The following LRRC58 variants were observed in gnomAD, a reference collection of about 807,000 sequenced individuals.
The protein encoded by LRRC58 is leucine rich repeat containing 58.
Under a neutral mutation model 30.6 loss-of-function variants are expected in LRRC58, and 18 were observed. The observed-to-expected ratio is 0.59, with a 90% CI of 0.41 to 0.87. LRRC58 has a LOEUF of 0.87. Ranked by LOEUF, LRRC58 falls within the 40% of genes least tolerant of loss-of-function variation. The pLI is 0.00. For missense variants in LRRC58, 420 were observed against 468.4 expected (o/e 0.90, Z 0.95); for synonymous variants, 221 against 206.0 (o/e 1.07, Z -0.62).
In LRRC58 at chr3:120,334,908, A is replaced by C. The variant is rs754246322; in HGVS notation, c.861T>G (p.Leu287=). ...AATTGCTGGCTGAACCCAAGTATCT[A>C]AGAAGATTTCCAGGAAGATCATAGG... ...YTPYDLPGNL[L]RYLGSASNCP... is the part of the protein sequence containing the mutation. Residue 287 remains leucine, a synonymous_variant, in exon 3 of 4, where the codon CTT becomes CTG. Coordinates refer to ENST00000295628, the MANE Select transcript of LRRC58 (RefSeq NM_001099678.2). The C allele has an allele frequency of 4.3e-6, 7 of 1,613,664 alleles. No individual in the cohort carries two copies. Among genetic ancestry groups the C allele is most frequent in the African/African-American group, 2.7e-5 (2 of 74,940 alleles).
rs2107619909 is a variant in LRRC58 at position 120,327,968 on chromosome 3, AATTCCTGAC to A, written c.*3223_*3231del. On this transcript the variant is annotated 3_prime_UTR_variant, in exon 4 of 4. Transcript: ENST00000295628. ...CACCATGTTGGCCAGGCTGGTCTCA[AATTCCTGAC>A]TGCATATGATCCATCCACTTCGGCC... The A allele has an allele frequency of 6.6e-6, 1 of 152,218 alleles. No homozygotes were observed. Among genetic ancestry groups the A allele is most frequent in the East Asian group, 1.9e-4 (1 of 5,156 alleles). 9.4% of individuals were successfully genotyped at this position (152,218 alleles called of 1,614,324 possible).
chr3:120,335,748 A>G (rs769285145), intron 2 of LRRC58, 77 bp downstream of exon 2: 3 of 1,187,214 alleles, frequency 2.5e-6, no homozygotes, highest in Non-Finnish European at 3.5e-6. Context: ...CTACATATAA[A>G]AACATGTGAG....
rs1028475709 is a variant in LRRC58, at chr3:120,325,907, T to C, written c.*5293A>G. On this transcript the variant is annotated 3_prime_UTR_variant, in exon 4 of 4. Transcript: ENST00000295628. The stretch of plus-strand genomic sequence containing the variant: ...TGACATCCTGGGACAGAATGCATGG[T>C]AGAGGTTCCCTCCCCAGAAGTCCTA... 4.6e-5 allele frequency: 7 copies of C among 152,206 alleles called. No homozygotes were observed. Among genetic ancestry groups the C allele is most frequent in the African/African-American group, 1.4e-4 (6 of 41,450 alleles). 9.4% of individuals were successfully genotyped at this position (152,206 alleles called of 1,614,324 possible). A position where few individuals can be genotyped will look rare whatever the true frequency, so the allele number is the denominator to read the frequency against.
At chr3:120,334,007 T>C (rs1416249997) in intron 3 of LRRC58, among the ~76,000 whole-genome samples, 1 of 152,196 alleles carries the variant, frequency 6.6e-6, no homozygotes, top group Non-Finnish European at 1.5e-5. Flanking sequence ...TTGAATTCCT[T>C]GGGATACTTA....
At chr3:120,336,869 A>G (rs6768951) in intron 1 of LRRC58, among the ~76,000 whole-genome samples, 44,411 of 147,534 alleles carry the variant, frequency 0.3, 8,334 homozygotes, top group Non-Finnish European at 0.42. Context: ...ATATATTTAT[A>G]TATATTATAC....
intron 2 of LRRC58, 39 bp downstream of exon 2, chr3:120,335,786 T>C: frequency 6.5e-7 from 1 of 1,539,006 alleles, no homozygotes; most frequent in Non-Finnish European, 8.9e-7. Context: ...TTACTAAGCA[T>C]AGATGTCTGC....
chr3:120,337,248 T>A (rs1436731356), intron 1 of LRRC58, among the ~76,000 whole-genome samples: 3 of 152,242 alleles, frequency 2.0e-5, no homozygotes, highest in Non-Finnish European at 4.4e-5. Flanking sequence ...AGAGCACTCC[T>A]TAACCTACAA....
chr3:120,348,963 C>A lies in LRRC58; in HGVS notation c.281G>T (p.Arg94Leu). 4 of 1,539,710 alleles carry A rather than the reference C, an allele frequency of 2.6e-6. No homozygotes were observed. Among genetic ancestry groups the A allele is most frequent in the Non-Finnish European group, 3.5e-6 (4 of 1,146,074 alleles). Residue 94 changes from arginine (R) to leucine (L), a missense_variant, in exon 1 of 4, where the codon CGC becomes CTC. Arg to Leu is a moderately radical substitution (Grantham distance 102). Coordinates refer to ENST00000295628, the MANE Select transcript of LRRC58 (RefSeq NM_001099678.2). Reference sequence around the variant, plus strand: ...CCGGTTGTTCTTGGCCAGCAGCGTGCGCAGGCCGCGCAGAGCGAGCAGCTC... The same window carrying A: ...CCGGTTGTTCTTGGCCAGCAGCGTGAGCAGGCCGCGCAGAGCGAGCAGCTC... ...GPELLALRGL[R>L]TLLAKNNRLG... is the part of the protein sequence containing the mutation.
At chr3:120,344,779 T>C (rs1935946751) in intron 1 of LRRC58, among the ~76,000 whole-genome samples, 1 of 152,196 alleles carries the variant, frequency 6.6e-6, no homozygotes, top group African/African-American at 2.4e-5. Flanking sequence ...TATTGGCCAT[T>C]GAGTGATAAG....
intron 1 of LRRC58, among the ~76,000 whole-genome samples, chr3:120,342,102 T>C (rs1388735129): frequency 6.6e-6 from 1 of 151,658 alleles, no homozygotes; most frequent in Admixed American, 6.6e-5. Flanking sequence ...CCCGCTCCCA[T>C]CTTGGAGCAG....
At position 120,329,963 on chromosome 3, in the gene LRRC58, T is replaced by C. The variant is rs1431094989; in HGVS notation, c.*1237A>G. On this transcript the variant is annotated 3_prime_UTR_variant, in exon 4 of 4. Transcript: ENST00000295628. ...CCTGCTATACATTAAGGATACAATA[T>C]ATTTAATAATTTTTTTCTATTTTAT... 6.6e-6 allele frequency: 1 copy of C among 151,944 alleles called. No homozygotes were observed. Among genetic ancestry groups the C allele is most frequent in the Non-Finnish European group, 1.5e-5 (1 of 67,894 alleles). The allele number at this position is 151,944 out of a possible 1,614,324, so 9.4% of individuals were successfully genotyped here. A position where few individuals can be genotyped will look rare whatever the true frequency, so the allele number is the denominator to read the frequency against.
At chr3:120,340,926 A>T (rs1057208540) in intron 1 of LRRC58, among the ~76,000 whole-genome samples, 1 of 152,184 alleles carries the variant, frequency 6.6e-6, no homozygotes, top group Non-Finnish European at 1.5e-5. Flanking sequence ...TATATTAATG[A>T]CACTTTTAAA....
At position 120,340,021 on chromosome 3, in the gene LRRC58, T is replaced by A. The variant is rs937349865; in HGVS notation, c.501-4068A>T. On this transcript the variant is annotated intron_variant, in intron 1 of 3. Coordinates refer to ENST00000295628, the MANE Select transcript of LRRC58 (RefSeq NM_001099678.2). ...GATTACAGGCGCCCGCCACCACGCC[T>A]GGCTAATTTTTGTATTTTTAGTAAA... Among the ~76,000 whole-genome samples, 3 of 147,982 alleles carry A rather than the reference T, an allele frequency of 2.0e-5. No individual in the cohort carries two copies. The East Asian group carries it at 8.2e-4, about 41-fold the overall frequency.
At position 120,335,216 on chromosome 3, in the gene LRRC58, CAGAACTTGATTTCCCCTTA is replaced by C. The variant is rs1935818482; in HGVS notation, c.630-96_630-78del. The stretch of plus-strand genomic sequence containing the variant: ...AAAATATTGAATATATGTGTGTATA[CAGAACTTGATTTCCCCTTA>C]AGAATGAGCAATTAAGATTAAGGTC... On this transcript the variant is annotated intron_variant, in intron 2 of 3. Transcript: ENST00000295628. 3.1e-6 allele frequency: 4 copies of C among 1,276,924 alleles called. No individual in the cohort carries two copies. The East Asian group carries it at 9.4e-5, about 30-fold the overall frequency. 79.1% of individuals were successfully genotyped at this position (1,276,924 alleles called of 1,614,324 possible). A position where few individuals can be genotyped will look rare whatever the true frequency, so the allele number is the denominator to read the frequency against.
intron 3 of LRRC58, 150 bp from the exon 4 acceptor site, chr3:120,331,558 A>G (rs1297714292): frequency 1.2e-5 from 8 of 668,716 alleles, no homozygotes; most frequent in Non-Finnish European, 2.1e-5. Context: ...ATAGCTGTCT[A>G]TAAGCCTACT....
intron 3 of LRRC58, among the ~76,000 whole-genome samples, chr3:120,333,870 G>A (rs1337830388): frequency 2.0e-5 from 3 of 151,928 alleles, no homozygotes; most frequent in Admixed American, 1.3e-4. Flanking sequence ...CTTTGTACTC[G>A]CCATCTGAAA....
Position 120,331,113 on chromosome 3 carries a change from A to C in LRRC58, c.*87T>G. 8.9e-7 allele frequency: 1 copy of C among 1,123,126 alleles called. No homozygotes were observed. Among genetic ancestry groups the C allele is most frequent in the South Asian group, 1.4e-5 (1 of 73,744 alleles). The allele number at this position is 1,123,126 out of a possible 1,614,324, so 69.6% of individuals were successfully genotyped here. Reference sequence around the variant, plus strand: ...TTGATGAACACTTAAGATGAAGATAAGATTTCTAGTGAACTTCAAGCTCTA... The same window carrying C: ...TTGATGAACACTTAAGATGAAGATACGATTTCTAGTGAACTTCAAGCTCTA... On this transcript the variant is annotated 3_prime_UTR_variant, in exon 4 of 4. Transcript: ENST00000295628.
chr3:120,338,948 C>T (rs1327572430), intron 1 of LRRC58, among the ~76,000 whole-genome samples: 8 of 152,180 alleles, frequency 5.3e-5, no homozygotes, highest in Non-Finnish European at 7.3e-5. Flanking sequence ...GAGCCTAATC[C>T]AGTACTTCAG....
At chr3:120,342,139 C>T (rs1935912188) in intron 1 of LRRC58, among the ~76,000 whole-genome samples, 1 of 152,170 alleles carries the variant, frequency 6.6e-6, no homozygotes, top group Non-Finnish European at 1.5e-5. Context: ...TGGGGCATCA[C>T]AAATGGCATC....
Sources: allele counts gnomAD v4.1 joint callset (sites outside exome capture counted in the v4.1 genomes callset), GRCh38; gene constraint gnomAD v4.1.1; transcripts MANE v1.5; gene names NCBI Gene and HGNC (gene_info 2026-07-23, HGNC 2026-07-21).